Variants in PNPLA6 observed in about 807,000 individuals in gnomAD.
PNPLA6 encodes the protein patatin like domain 6, lysophospholipase, also known as patatin-like phospholipase domain-containing protein 6.
Under a neutral mutation model 153.7 loss-of-function variants are expected in PNPLA6, and 105 were observed. The observed-to-expected ratio is 0.68, with a 90% CI of 0.58 to 0.80. The LOEUF is 0.80. PNPLA6 is among the 30% of genes least tolerant of loss of function. The pLI, the probability that PNPLA6 is intolerant of heterozygous loss-of-function variation, is 0.00. For synonymous variants in PNPLA6, 825 were observed against 822.2 expected (o/e 1.00, Z -0.06); for missense variants, 1,423 against 1,919.3 (o/e 0.74, Z 4.83).
chr19:7,535,902 CG>C lies in PNPLA6; in HGVS notation c.116del (p.Gly39ValfsTer14). ...GGGAAGGCTCGGCGGGACGGATTTG[CG>C]GTGCGCAGCCAGTGCCGTTCGTCCC... ...PGEGSAGRIC[G>X]AQPVPFVPQV... On this transcript the variant is annotated frameshift_variant, in exon 1 of 32. Coordinates refer to ENST00000600737, the MANE Select transcript of PNPLA6 (RefSeq NM_001166114.2). LOFTEE classifies it high-confidence loss of function. This position sits in a 1 kb window ranked among gnomAD's most constrained non-coding sequence, Gnocchi z 5.0. The C allele has an allele frequency of 6.4e-7, 1 of 1,553,976 alleles. No homozygotes were observed. The highest frequency in any genetic ancestry group is 8.7e-7 in the Non-Finnish European group (1 of 1,155,264).
At chr19:7,558,460 G>A (rs2023976740) in intron 27 of PNPLA6, among the ~76,000 whole-genome samples, 2 of 152,118 alleles carry the variant, frequency 1.3e-5, no homozygotes, top group Non-Finnish European at 1.5e-5. Flanking sequence ...GGTGAAACCC[G>A]GTTTCTACTA....
At chr19:7,557,357 C>T in intron 27 of PNPLA6, 73 bp downstream of exon 27, 2 of 954,912 alleles carry the variant, frequency 2.1e-6, no homozygotes, top group Non-Finnish European at 3.4e-6. Context: ...CGTGGGCACA[C>T]ACAGACAGGC....
In PNPLA6 at chr19:7,554,569, G is replaced by A. The variant is rs2023787835; in HGVS notation, c.2480G>A (p.Arg827Gln). 1.9e-6 allele frequency: 3 copies of A among 1,614,136 alleles called. No homozygotes were observed. The highest frequency in any genetic ancestry group is 2.5e-6 in the Non-Finnish European group (3 of 1,180,006). ...TCCCACCCTAGCATCCAAGAGTTCC[G>A]GCTGTCAGGGTGGCTGGCCCAGCAG... ...ASALDSIQEFRLSGWLAQQED... is the reference protein window; with the variant it reads ...ASALDSIQEFQLSGWLAQQED... The change falls in exon 21 of 32, where the codon CGG (arginine) becomes CAG (glutamine). Residue 827 changes from arginine to glutamine, a missense_variant. Around this residue, in one of 10 missense-constraint regions of PNPLA6, gnomAD observed 643 missense variants for 835.2 expected, o/e 0.77. Transcript: ENST00000600737.
Position 7,536,190 on chromosome 19 carries a change from G to A in PNPLA6, c.233-1G>A. On this transcript the variant is annotated splice_acceptor_variant, in intron 1 of 31. Transcript: ENST00000600737. LOFTEE classifies it high-confidence loss of function. ...GTGCCCCTGTCCCCACCTATCCCCA[G>A]AAACCCCAGCCCCGGATGGCCCCCG... The A allele has an allele frequency of 6.2e-7, 1 of 1,610,570 alleles. No homozygotes were observed. Among genetic ancestry groups the A allele is most frequent in the Non-Finnish European group, 8.5e-7 (1 of 1,176,914 alleles).
rs890836333 is a variant in PNPLA6, at chr19:7,543,234, C to T, written c.1608+150C>T. The T allele has an allele frequency of 5.9e-5, 46 of 784,554 alleles. No individual in the cohort carries two copies. The South Asian group carries it at 6.6e-4, about 11-fold the overall frequency. The allele number at this position is 784,554 out of a possible 1,614,324, so 48.6% of individuals were successfully genotyped here. On this transcript the variant is annotated intron_variant, in intron 13 of 31. Coordinates refer to ENST00000600737, the MANE Select transcript of PNPLA6 (RefSeq NM_001166114.2). ...ATCCTATCATTTCCAACCTCTAACC[C>T]TTGGGTCCTGTGACCCCCACCCCCT...
Position 7,540,946 on chromosome 19 carries a change from C to T in PNPLA6, c.819C>T (p.Thr273=), listed in dbSNP as rs1223474507. 1.6e-5 allele frequency: 26 copies of T among 1,612,604 alleles called. No homozygotes were observed. Among genetic ancestry groups the T allele is most frequent in the African/African-American group, 6.7e-5 (5 of 74,898 alleles). Residue 273 remains threonine (T), a synonymous_variant, in exon 7 of 32, where the codon ACC becomes ACT. Coordinates refer to ENST00000600737, the MANE Select transcript of PNPLA6 (RefSeq NM_001166114.2). This position sits in a 1 kb window ranked among gnomAD's most constrained non-coding sequence, Gnocchi z 6.8. ...VITGHQHPQR[T]VSARAARDST... is the part of the protein sequence containing the mutation. ...AGGGTCACCAGCATCCCCAGCGGAC[C>T]GTGTCTGCCCGGGCGGCCCGGGACT...
chr19:7,536,657 T>G, intron 3 of PNPLA6, 111 bp downstream of exon 3: 1 of 763,708 alleles, frequency 1.3e-6, no homozygotes, highest in Non-Finnish European at 2.3e-6. Flanking sequence ...CTGCGCGCTG[T>G]GGCTCATGCC....
At chr19:7,554,059 G>A (rs763652144) in intron 19 of PNPLA6, 44 bp downstream of exon 19, 12 of 1,534,080 alleles carry the variant, frequency 7.8e-6, no homozygotes, top group Middle Eastern at 3.8e-4. Flanking sequence ...CGGTGGGTGG[G>A]ACATTAGTGA....
intron 20 of PNPLA6, 53 bp from the exon 21 acceptor site, chr19:7,554,502 G>A: frequency 6.3e-7 from 1 of 1,595,718 alleles, no homozygotes. Flanking sequence ...GTCTCGGGGA[G>A]CACACTGACC....
rs761530881 is a variant in PNPLA6 at position 7,554,067 on chromosome 19, T to G, written c.2401+52T>G. On this transcript the variant is annotated intron_variant, in intron 19 of 31. Transcript: ENST00000600737. The stretch of plus-strand genomic sequence containing the variant: ...GGGCTGGCGGTGGGTGGGACATTAG[T>G]GAGTGAGAGATGTTAGGGTAGGTCA... 3.4e-5 allele frequency: 54 copies of G among 1,598,964 alleles called. No individual in the cohort carries two copies. In the South Asian group the frequency reaches 5.4e-4, roughly 16 times the overall value.
chr19:7,542,494 C>G (rs551844882), intron 10 of PNPLA6, 67 bp from the exon 11 acceptor site: 1 of 1,230,312 alleles, frequency 8.1e-7, no homozygotes, highest in Non-Finnish European at 1.2e-6. Flanking sequence ...ACCACTACAC[C>G]TGGCTCATTT....
intron 14 of PNPLA6, 66 bp from the exon 15 acceptor site, chr19:7,550,232 G>T: frequency 6.2e-7 from 1 of 1,611,968 alleles, no homozygotes; most frequent in Non-Finnish European, 8.5e-7. Context: ...CCCAGATCTG[G>T]CCTCCCAGCG....
At chr19:7,551,285 C>G in intron 17 of PNPLA6, 77 bp from the exon 18 acceptor site, 3 of 1,453,784 alleles carry the variant, frequency 2.1e-6, no homozygotes, top group Admixed American at 1.7e-5. Context: ...CCAGGAGCCC[C>G]GGCATAGGAG....
At chr19:7,550,263 G>C (rs758466718) in intron 14 of PNPLA6, 35 bp from the exon 15 acceptor site, 1 of 1,612,878 alleles carries the variant, frequency 6.2e-7, no homozygotes, top group Non-Finnish European at 8.5e-7. Flanking sequence ...ACGGTTTTGA[G>C]GCCTTCCTCT....
chr19:7,550,655 C>CTG lies in PNPLA6; in HGVS notation c.2070+15_2070+16insTG. 1 of 1,609,382 alleles carries CTG rather than the reference C, an allele frequency of 6.2e-7. No homozygotes were observed. Among genetic ancestry groups the CTG allele is most frequent in the Non-Finnish European group, 8.5e-7 (1 of 1,179,434 alleles). ...TCATCGGCGTGGTGAGCGCGACCCC[C>CTG]ACCCACTGACCTCTGGCCTTTTCCA... On this transcript the variant is annotated intron_variant, in intron 16 of 31. Transcript: ENST00000600737.
chr19:7,557,605 G>A (rs2023938730), intron 27 of PNPLA6: 1 of 383,062 alleles, frequency 2.6e-6, no homozygotes, highest in African/African-American at 2.1e-5. Context: ...CCAACATGGT[G>A]AAACCCCGTC....
Position 7,555,508 on chromosome 19 carries a change from C to T in PNPLA6, c.2937-99C>T. 6.9e-7 allele frequency: 1 copy of T among 1,442,044 alleles called. No individual in the cohort carries two copies. Among genetic ancestry groups the T allele is most frequent in the Admixed American group, 2.0e-5 (1 of 50,916 alleles). 89.3% of individuals were successfully genotyped at this position (1,442,044 alleles called of 1,614,324 possible). A position where few individuals can be genotyped will look rare whatever the true frequency, so the allele number is the denominator to read the frequency against. On this transcript the variant is annotated intron_variant, in intron 23 of 31. Transcript: ENST00000600737. This position sits in a 1 kb window ranked among gnomAD's most constrained non-coding sequence, Gnocchi z 6.3. ...AGAGACCCCGTGGGTAGGGGCGGGTCCTTTGTTCCTTAGCAGTGCGGGAGG... is the reference window on the plus strand; with the variant it reads ...AGAGACCCCGTGGGTAGGGGCGGGTTCTTTGTTCCTTAGCAGTGCGGGAGG...
intron 17 of PNPLA6, 54 bp from the exon 18 acceptor site, chr19:7,551,308 C>T: frequency 6.4e-7 from 1 of 1,558,722 alleles, no homozygotes; most frequent in South Asian, 1.1e-5. Context: ...AGAGGTGGGA[C>T]CTGGACAGCC....
At chr19:7,549,417 A>G (rs933338810) in intron 13 of PNPLA6, among the ~76,000 whole-genome samples, 4 of 150,280 alleles carry the variant, frequency 2.7e-5, no homozygotes, top group African/African-American at 9.8e-5. Flanking sequence ...CGATCTCCTG[A>G]CCTCTTGATC....
Sources: allele counts gnomAD v4.1 joint callset (sites outside exome capture counted in the v4.1 genomes callset), GRCh38; gene constraint gnomAD v4.1.1; regional missense constraint gnomAD v4.1.1; non-coding constraint Gnocchi (gnomAD v3.1); transcripts MANE v1.5; gene names NCBI Gene and HGNC (gene_info 2026-07-23, HGNC 2026-07-21).